The following ECM2 variants were observed in gnomAD, a reference collection of about 807,000 sequenced individuals.
The protein encoded by ECM2 is extracellular matrix protein 2, female organ and adipocyte specific.
In ECM2, 57 loss-of-function variants were observed where a neutral mutation model predicts 67.5. The observed-to-expected ratio is 0.84, with a 90% CI of 0.68 to 1.05. The LOEUF is 1.05. ECM2 is among the 50% of genes least tolerant of loss of function. The pLI, the probability that ECM2 is intolerant of heterozygous loss-of-function variation, is 0.00. For missense variants in ECM2, 741 were observed against 822.8 expected, an observed-to-expected ratio of 0.90 and a Z score of 1.22; for synonymous variants, 258 against 294.5, an observed-to-expected ratio of 0.88 and a Z score of 1.27.
At chr9:92,550,409 G>C in the ECM2 span, among the ~76,000 whole-genome samples, 1 of 148,104 alleles carries the variant, frequency 6.8e-6, no homozygotes, top group African/African-American at 2.6e-5. Context: ...AAAAAAAATG[G>C]TGTCATTGGA....
intron 2 of ECM2, among the ~76,000 whole-genome samples, chr9:92,520,634 G>T (rs1464833065): frequency 3.3e-5 from 5 of 152,110 alleles, no homozygotes; most frequent in African/African-American, 1.2e-4. Flanking sequence ...TTGAAAATAG[G>T]TGTTGAAAGA....
chr9:92,502,806 T>C (rs998684657), intron 7 of ECM2, among the ~76,000 whole-genome samples, 154 bp from the exon 8 acceptor site: 1 of 53,722 alleles, frequency 1.9e-5, no homozygotes, highest in Non-Finnish European at 3.4e-5. Flanking sequence ...TAAGTTGTCT[T>C]TTTTTTTTTT....
chr9:92,525,574 C>T (rs1848342920), intron 1 of ECM2, among the ~76,000 whole-genome samples: 1 of 152,098 alleles, frequency 6.6e-6, no homozygotes, highest in Non-Finnish European at 1.5e-5. Flanking sequence ...ATAAACAAAC[C>T]TACTGCACTT....
chr9:92,532,564 C>G (rs986895024), intron 1 of ECM2, among the ~76,000 whole-genome samples: 21 of 151,946 alleles, frequency 1.4e-4, no homozygotes, highest in African/African-American at 4.8e-4. Context: ...CCTGGTTATT[C>G]TCTGAACTGA....
chr9:92,516,386 CA>C (rs1315303058), intron 3 of ECM2, among the ~76,000 whole-genome samples: 6 of 152,054 alleles, frequency 3.9e-5, no homozygotes, highest in Non-Finnish European at 1.5e-5. Context: ...TTTCTTCCAT[CA>C]AGATTTAAAA....
the ECM2 span, among the ~76,000 whole-genome samples, chr9:92,547,984 A>C: frequency 6.6e-6 from 1 of 152,206 alleles, no homozygotes; most frequent in Non-Finnish European, 1.5e-5. Flanking sequence ...AAAGGAAGGA[A>C]AAACTGTTAC....
the ECM2 span, among the ~76,000 whole-genome samples, chr9:92,552,741 G>A: frequency 5.9e-5 from 9 of 152,092 alleles, no homozygotes; most frequent in Non-Finnish European, 1.0e-4. Context: ...CTGGTTATTA[G>A]TGCTTTGTCA....
rs35161698 is a variant in ECM2 at position 92,505,656 on chromosome 9, T to C, written c.1341A>G (p.Gly447=). ...TGACATTGGCTTCACTGAGATTGTT[T>C]CCTTCCAATTCTAAGGTGACCAACT... The part of the protein sequence containing the change: ...LNQLVTLELE[G]NNLSEANVNP... The change falls in exon 7 of 10, where the codon GGA becomes GGG. Residue 447 remains glycine (G), a synonymous_variant. Coordinates refer to ENST00000344604, the MANE Select transcript of ECM2 (RefSeq NM_001393.4). 4.0e-3 allele frequency: 6,375 copies of C among 1,605,474 alleles called. 211 individuals carry two copies. In the African/African-American group the frequency reaches 0.072, roughly 18 times the overall value.
the ECM2 span, among the ~76,000 whole-genome samples, chr9:92,558,292 G>T: frequency 6.6e-6 from 1 of 152,192 alleles, no homozygotes; most frequent in South Asian, 2.1e-4. Context: ...AAGGTCTAGG[G>T]CTGAAGGCTG....
chr9:92,547,813 A>G, the ECM2 span, among the ~76,000 whole-genome samples: 4 of 152,226 alleles, frequency 2.6e-5, no homozygotes, highest in African/African-American at 9.6e-5. Context: ...CGTAAATTAT[A>G]TCTCGAGATA....
chr9:92,503,648 G>C (rs1035318129), intron 7 of ECM2, among the ~76,000 whole-genome samples: 1 of 152,184 alleles, frequency 6.6e-6, no homozygotes, highest in Non-Finnish European at 1.5e-5. Flanking sequence ...TTGTTCTCTT[G>C]TTAGAATTCA....
chr9:92,522,673 G>T lies in ECM2; in HGVS notation c.194C>A (p.Ala65Glu), dbSNP rs1458940183. The T allele has an allele frequency of 1.9e-6, 3 of 1,614,062 alleles. No homozygotes were observed. The Admixed American group carries it at 5.0e-5, about 27-fold the overall frequency. The change falls in exon 2 of 10, where the codon GCA becomes GAA. Residue 65 changes from alanine to glutamate, a missense_variant. Physicochemically the swap from Ala to Glu is moderately radical, Grantham distance 107. Coordinates refer to ENST00000344604, the MANE Select transcript of ECM2 (RefSeq NM_001393.4). Reference sequence around the variant, plus strand: ...ATCAAAGTTAACAATAGGAAGTCTTGCTACTGGTGTAAAAACTGTTGTTTG... The same window carrying T: ...ATCAAAGTTAACAATAGGAAGTCTTTCTACTGGTGTAAAAACTGTTGTTTG... ...IQQTTVFTPVARLPIVNFDYS... is the reference protein window; with the variant it reads ...IQQTTVFTPVERLPIVNFDYS...
the ECM2 span, among the ~76,000 whole-genome samples, chr9:92,554,516 G>A: frequency 6.6e-6 from 1 of 151,938 alleles, no homozygotes; most frequent in Non-Finnish European, 1.5e-5. Context: ...GGTGTATCAC[G>A]TTTATTGACC....
At position 92,496,214 on chromosome 9, in the gene ECM2, T is replaced by C; in HGVS notation, c.*101A>G. 6.8e-7 allele frequency: 1 copy of C among 1,460,684 alleles called. No individual in the cohort carries two copies. The highest frequency in any genetic ancestry group is 9.0e-7 in the Non-Finnish European group (1 of 1,116,982). The allele number at this position is 1,460,684 out of a possible 1,614,324, so 90.5% of individuals were successfully genotyped here. ...AATCAGGTTGACTAGCATATAATGA[T>C]ACTGAGTATAACAGGAGGATTATGT... On this transcript the variant is annotated 3_prime_UTR_variant, in exon 10 of 10. Transcript: ENST00000344604.
At position 92,495,741 on chromosome 9, in the gene ECM2, TTACAG is replaced by T. The variant is rs1846313024; in HGVS notation, c.*569_*573del. On this transcript the variant is annotated 3_prime_UTR_variant, in exon 10 of 10. Coordinates refer to ENST00000344604, the MANE Select transcript of ECM2 (RefSeq NM_001393.4). Reference sequence around the variant, plus strand: ...GATTTTCAAAACCAGGAAATTAACATTACAGTAGTGTTTTAATTTTACACATGTAA... The same window carrying T: ...GATTTTCAAAACCAGGAAATTAACATTAGTGTTTTAATTTTACACATGTAA... The T allele has an allele frequency of 1.1e-6, 1 of 931,964 alleles. No individual in the cohort carries two copies. The highest frequency in any genetic ancestry group is 1.3e-6 in the Non-Finnish European group (1 of 781,396). The allele number at this position is 931,964 out of a possible 1,614,324, so 57.7% of individuals were successfully genotyped here. A position where few individuals can be genotyped will look rare whatever the true frequency, so the allele number is the denominator to read the frequency against.
At chr9:92,510,084 A>G (rs1418099303) in intron 5 of ECM2, 50 bp from the exon 6 acceptor site, 2 of 1,548,832 alleles carry the variant, frequency 1.3e-6, no homozygotes, top group Non-Finnish European at 1.7e-6. Flanking sequence ...ACAGCTGTGC[A>G]GTCACATTTC....
At chr9:92,506,108 T>C (rs1339977047) in intron 6 of ECM2, among the ~76,000 whole-genome samples, 2 of 152,070 alleles carry the variant, frequency 1.3e-5, no homozygotes, top group East Asian at 3.9e-4. Context: ...TGCAAAGACA[T>C]AGATGTATGA....
the ECM2 span, among the ~76,000 whole-genome samples, chr9:92,555,504 C>T: frequency 6.6e-6 from 1 of 152,054 alleles, no homozygotes; most frequent in Non-Finnish European, 1.5e-5. Flanking sequence ...GCTGGGATTA[C>T]AGGTATGAAC....
At chr9:92,505,137 T>C (rs928498859) in intron 7 of ECM2, among the ~76,000 whole-genome samples, 2 of 152,216 alleles carry the variant, frequency 1.3e-5, no homozygotes, top group African/African-American at 4.8e-5. Context: ...TGCCTGGAAT[T>C]TGTGAGTGGA....
Sources: gnomAD v4.1 joint callset for allele counts (sites outside exome capture counted in the v4.1 genomes callset) on GRCh38, gnomAD v4.1.1 for gene constraint, MANE v1.5 for transcripts, NCBI Gene and HGNC (gene_info 2026-07-23, HGNC 2026-07-21) for gene names.